The following PRKG1 variants were observed in gnomAD, a reference collection of about 807,000 sequenced individuals.
PRKG1 encodes the protein protein kinase cGMP-dependent 1.
Under a neutral mutation model 88.1 loss-of-function variants are expected in PRKG1, and 35 were observed. That is an observed-to-expected ratio of 0.40 (90% confidence interval 0.30 to 0.53). The LOEUF is 0.53. Ranked by LOEUF, PRKG1 falls within the 20% of genes least tolerant of loss-of-function variation. PRKG1 has a pLI of 0.59. For synonymous variants in PRKG1, 303 were observed against 292.5 expected (o/e 1.04, Z -0.37); for missense variants, 540 against 839.8 (o/e 0.64, Z 4.41).
At chr10:51,122,079 A>C (rs1051348762) in intron 1 of PRKG1, among the ~76,000 whole-genome samples, 1 of 152,152 alleles carries the variant, frequency 6.6e-6, no homozygotes, top group Admixed American at 6.6e-5. Context: ...TTTGGCAGAA[A>C]CCTTAGGAAC....
chr10:51,990,377 A>T (rs188038192), intron 5 of PRKG1, among the ~76,000 whole-genome samples: 38 of 152,132 alleles, frequency 2.5e-4, no homozygotes, highest in African/African-American at 9.2e-4. Flanking sequence ...AATGCCATTG[A>T]TATTGTGATA....
chr10:52,245,749 TTTTATTTATTTATTTA>T (rs10552419), intron 9 of PRKG1, among the ~76,000 whole-genome samples: 4,803 of 138,088 alleles, frequency 0.035, 397 homozygotes, highest in East Asian at 0.33. Context: ...GTTAACACCA[TTTTATTTATTTATTTA>T]TTTATTTATT....
chr10:52,235,732 CCA>C (rs1840665220), intron 9 of PRKG1, among the ~76,000 whole-genome samples: 1 of 77,952 alleles, frequency 1.3e-5, no homozygotes, highest in Non-Finnish European at 2.6e-5. Flanking sequence ...CTTTAACACC[CCA>C]CTGTCAACAT....
intron 3 of PRKG1, among the ~76,000 whole-genome samples, chr10:51,515,652 G>A (rs947424435): frequency 8.6e-5 from 13 of 151,896 alleles, no homozygotes; most frequent in African/African-American, 1.5e-4. Flanking sequence ...GCCATTTTTC[G>A]TCACAGTCTT....
chr10:52,254,394 T>C (rs1841259316), intron 10 of PRKG1, among the ~76,000 whole-genome samples: 1 of 152,064 alleles, frequency 6.6e-6, no homozygotes, highest in Non-Finnish European at 1.5e-5. Flanking sequence ...TAATACAAAG[T>C]ATATAATACT....
At position 52,281,311 on chromosome 10, in the gene PRKG1, C is replaced by T. The variant is rs184173890; in HGVS notation, c.1545+381C>T. ...TAATATTTTAGATTTAAGAATAATG[C>T]TAATGGAAAAAAATGTGCTTTACAG... is the stretch of plus-strand genomic sequence containing the variant. On this transcript the variant is annotated intron_variant, in intron 13 of 17. Transcript: ENST00000373980. Among the ~76,000 whole-genome samples the T allele has an allele frequency of 7.9e-5, 12 of 151,998 alleles. No homozygotes were observed. The East Asian group carries it at 2.1e-3, about 27-fold the overall frequency.
chr10:51,908,725 C>CTATCTATCTATATATATA (rs1299574623), intron 5 of PRKG1: 26 of 60,632 alleles, frequency 4.3e-4, no homozygotes, highest in Middle Eastern at 9.6e-3. Flanking sequence ...GTCTATCTAT[C>CTATCTATCTATATATATA]TATATGTAAT....
intron 5 of PRKG1, among the ~76,000 whole-genome samples, chr10:51,941,132 C>T (rs1842898546): frequency 6.6e-6 from 1 of 151,890 alleles, no homozygotes. Context: ...ATCTTAGAAT[C>T]AGTGAAATTT....
At chr10:51,086,801 G>T (rs1001178524) in intron 1 of PRKG1, among the ~76,000 whole-genome samples, 6 of 152,152 alleles carry the variant, frequency 3.9e-5, no homozygotes, top group Non-Finnish European at 8.8e-5. Flanking sequence ...CTCATCTGAG[G>T]TTCGTCTTAT....
intron 1 of PRKG1, among the ~76,000 whole-genome samples, chr10:51,063,627 C>T (rs569555471): frequency 3.0e-4 from 46 of 152,196 alleles, no homozygotes; most frequent in African/African-American, 9.6e-4. Flanking sequence ...CATGACTGTA[C>T]GTTAATAAGA....
intron 3 of PRKG1, among the ~76,000 whole-genome samples, chr10:51,712,177 A>G (rs560912097): frequency 3.2e-4 from 49 of 152,360 alleles, no homozygotes; most frequent in African/African-American, 1.1e-3. Context: ...TGATCTAACC[A>G]TAGTAAACTG....
At chr10:51,965,115 C>T (rs185420208) in intron 5 of PRKG1, among the ~76,000 whole-genome samples, 229 of 152,160 alleles carry the variant, frequency 1.5e-3, no homozygotes, top group African/African-American at 3.8e-3. Context: ...TTCAGGGGTA[C>T]GTATGCAGGT....
rs73335861 is a variant in PRKG1 at position 51,202,082 on chromosome 10, C to A, written c.478+48752C>A. On this transcript the variant is annotated intron_variant, in intron 2 of 17. Transcript: ENST00000373980. ...GATGCTATTGGTGCCCTCCCTGGAC[C>A]TTCTCTACTAGGTGGGTACACCTGC... Among the ~76,000 whole-genome samples the A allele has an allele frequency of 5.0e-3, 762 of 152,264 alleles. 10 individuals are homozygous for A. Among genetic ancestry groups the A allele is most frequent in the African/African-American group, 0.017 (718 of 41,540 alleles).
At chr10:51,647,089 C>G (rs1330919057) in intron 3 of PRKG1, among the ~76,000 whole-genome samples, 1 of 150,832 alleles carries the variant, frequency 6.6e-6, no homozygotes, top group Non-Finnish European at 1.5e-5. Flanking sequence ...ATCTGCTACA[C>G]TGCTCTCTGA....
chr10:52,033,497 CTATGTT>C (rs925749441), intron 5 of PRKG1, among the ~76,000 whole-genome samples: 2 of 152,098 alleles, frequency 1.3e-5, no homozygotes, highest in African/African-American at 4.8e-5. Flanking sequence ...TTTTTATGGA[CTATGTT>C]TATATCACCT....
intron 1 of PRKG1, among the ~76,000 whole-genome samples, chr10:51,010,863 A>G (rs941015002): frequency 6.6e-6 from 1 of 152,224 alleles, no homozygotes. Context: ...ATTTTTGTTG[A>G]ATTTACAGCA....
At chr10:51,569,675 C>G (rs1434752749) in intron 3 of PRKG1, among the ~76,000 whole-genome samples, 1 of 151,842 alleles carries the variant, frequency 6.6e-6, no homozygotes, top group Non-Finnish European at 1.5e-5. Context: ...AATGGAGGAG[C>G]CAGGTTTCAT....
At chr10:51,322,470 G>T (rs1588837353) in intron 2 of PRKG1, among the ~76,000 whole-genome samples, 1 of 152,210 alleles carries the variant, frequency 6.6e-6, no homozygotes, top group Non-Finnish European at 1.5e-5. Flanking sequence ...TTGCTTCCCT[G>T]GGCAATTGTG....
chr10:51,949,076 G>A (rs1843124395), intron 5 of PRKG1, among the ~76,000 whole-genome samples: 1 of 152,102 alleles, frequency 6.6e-6, no homozygotes, highest in Non-Finnish European at 1.5e-5. Flanking sequence ...TTCAGCACTG[G>A]ACTAAAGATT....
Sources: allele counts gnomAD v4.1 joint callset (sites outside exome capture counted in the v4.1 genomes callset), GRCh38; gene constraint gnomAD v4.1.1; transcripts MANE v1.5; gene names NCBI Gene and HGNC (gene_info 2026-07-23, HGNC 2026-07-21).